OR4C6: variants seen among roughly 807,000 people sequenced by gnomAD.
The protein encoded by OR4C6 is olfactory receptor 4C6.
Under a neutral mutation model 13.9 loss-of-function variants are expected in OR4C6, and 20 were observed. The ratio of observed to expected loss-of-function variants is 1.43; its 90% CI spans 1.01 to 2.08. The LOEUF is 2.08. OR4C6 is among the 30% of genes most tolerant of loss of function. OR4C6 has a pLI of 0.00. For synonymous variants in OR4C6, 193 were observed against 141.5 expected (o/e 1.36, Z -2.58); for missense variants, 555 against 381.2 (o/e 1.46, Z -3.80).
chr11:55,665,822 T>C lies in OR4C6; in HGVS notation c.656T>C (p.Ile219Thr). 1.2e-6 allele frequency: 2 copies of C among 1,613,962 alleles called. No individual in the cohort carries two copies. The highest frequency in any genetic ancestry group is 1.7e-6 in the Non-Finnish European group (2 of 1,180,020). The change falls in exon 2 of 2, where the codon ATC becomes ACC. Residue 219 changes from isoleucine (I) to threonine (T), a missense_variant. Transcript: ENST00000314259. Reference protein sequence around the residue: ...FLILIASYTVILCSLKSYSSK... With the variant: ...FLILIASYTVTLCSLKSYSSK... ...ATCTTAATTGCGTCCTACACGGTCA[T>C]CCTATGCTCCCTGAAGTCTTACAGC...
At position 55,665,989 on chromosome 11, in the gene OR4C6, A is replaced by T. The variant is rs767784407; in HGVS notation, c.823A>T (p.Ile275Phe). ...IDKAMAVSDS[I>F]ITPMLNPLIY... Reference sequence around the variant, plus strand: ...CAAGGCAATGGCTGTGTCAGACTCAATCATCACACCCATGTTAAATCCCTT... The same window carrying T: ...CAAGGCAATGGCTGTGTCAGACTCATTCATCACACCCATGTTAAATCCCTT... Residue 275 changes from isoleucine (I) to phenylalanine (F), a missense_variant, in exon 2 of 2, where the codon ATC becomes TTC. Physicochemically the swap from Ile to Phe is conservative, Grantham distance 21 (BLOSUM62 0). Coordinates refer to ENST00000314259, the MANE Select transcript of OR4C6 (RefSeq NM_001004704.2). The T allele has an allele frequency of 1.2e-5, 19 of 1,613,606 alleles. No individual in the cohort carries two copies. The highest frequency in any genetic ancestry group is 1.6e-5 in the Non-Finnish European group (19 of 1,179,718).
At chr11:55,664,585 A>T (rs1858711675) in intron 1 of OR4C6, among the ~76,000 whole-genome samples, 1 of 152,098 alleles carries the variant, frequency 6.6e-6, no homozygotes, top group Non-Finnish European at 1.5e-5. Context: ...AATAATTGTA[A>T]TATACTTAGC....
chr11:55,663,645 T>C (rs1858696674), intron 1 of OR4C6, among the ~76,000 whole-genome samples: 1 of 138,212 alleles, frequency 7.2e-6, no homozygotes. Flanking sequence ...TGGAATAAAA[T>C]CTACTTGTCA....
rs1858729332 is a variant in OR4C6 at position 55,665,475 on chromosome 11, T to C, written c.309T>C (p.His103=). 1.9e-6 allele frequency: 3 copies of C among 1,613,710 alleles called. No homozygotes were observed. The highest frequency in any genetic ancestry group is 3.3e-5 in the Admixed American group (2 of 59,952). Residue 103 remains histidine, a synonymous_variant, in exon 2 of 2, where the codon CAT becomes CAC. Coordinates refer to ENST00000314259, the MANE Select transcript of OR4C6 (RefSeq NM_001004704.2). ...KGCLTQLFVE[H]FFGGVGIILL... ...GCCTCACCCAGCTGTTTGTGGAGCA[T>C]TTCTTTGGTGGTGTGGGGATCATCC...
At chr11:55,664,028 C>T (rs1858701766) in intron 1 of OR4C6, among the ~76,000 whole-genome samples, 1 of 97,530 alleles carries the variant, frequency 1.0e-5, no homozygotes, top group Non-Finnish European at 2.4e-5. Context: ...CTTCTCTTCT[C>T]ATGTGGTGGG....
Position 55,665,555 on chromosome 11 carries a change from A to G in OR4C6, c.389A>G (p.Tyr130Cys), listed in dbSNP as rs760669321. 31 of 1,613,788 alleles carry G rather than the reference A, an allele frequency of 1.9e-5. No homozygotes were observed. Among genetic ancestry groups the G allele is most frequent in the Non-Finnish European group, 2.4e-5 (28 of 1,180,008 alleles). The change falls in exon 2 of 2, where the codon TAC (tyrosine) becomes TGC (cysteine). Residue 130 changes from tyrosine (Y) to cysteine (C), a missense_variant. Transcript: ENST00000314259. ...RYVAICKPLH[Y>C]TIIMSPRVCC... ...GTGGCCATCTGTAAGCCCCTGCACT[A>G]CACGATCATCATGAGTCCACGGGTG...
rs767784407 is a variant in OR4C6 at position 55,665,989 on chromosome 11, A to G, written c.823A>G (p.Ile275Val). The change falls in exon 2 of 2, where the codon ATC (isoleucine) becomes GTC (valine). Residue 275 changes from isoleucine (I) to valine (V), a missense_variant. By Grantham distance (29) the Ile-to-Val change is conservative. Coordinates refer to ENST00000314259, the MANE Select transcript of OR4C6 (RefSeq NM_001004704.2). ...CAAGGCAATGGCTGTGTCAGACTCA[A>G]TCATCACACCCATGTTAAATCCCTT... ...IDKAMAVSDS[I>V]ITPMLNPLIY... 3 of 1,613,488 alleles carry G rather than the reference A, an allele frequency of 1.9e-6. No homozygotes were observed. Among genetic ancestry groups the G allele is most frequent in the East Asian group, 2.2e-5 (1 of 44,856 alleles).
rs1554970489 is a variant in OR4C6 at position 55,665,919 on chromosome 11, C to A, written c.753C>A (p.Pro251=). 6.2e-7 allele frequency: 1 copy of A among 1,613,974 alleles called. No individual in the cohort carries two copies. Among genetic ancestry groups the A allele is most frequent in the Non-Finnish European group, 8.5e-7 (1 of 1,179,992 alleles). The change falls in exon 2 of 2, where the codon CCC becomes CCA. Residue 251 remains proline, a synonymous_variant. Coordinates refer to ENST00000314259, the MANE Select transcript of OR4C6 (RefSeq NM_001004704.2). Reference sequence around the variant, plus strand: ...CGGTGGTTGTATTGTTCTTTGTCCCCTGTATTTTCTTGTACATGAGGCCTG... The same window carrying A: ...CGGTGGTTGTATTGTTCTTTGTCCCATGTATTTTCTTGTACATGAGGCCTG... ...HLTVVVLFFV[P]CIFLYMRPVV...
In OR4C6 at chr11:55,665,092, T is replaced by A. The variant is rs2134330659; in HGVS notation, c.-42-33T>A. 3 of 928,102 alleles carry A rather than the reference T, an allele frequency of 3.2e-6. No individual in the cohort carries two copies. The East Asian group carries it at 7.2e-5, about 22-fold the overall frequency. The allele number at this position is 928,102 out of a possible 1,614,324, so 57.5% of individuals were successfully genotyped here. On this transcript the variant is annotated intron_variant, in intron 1 of 1. Coordinates refer to ENST00000314259, the MANE Select transcript of OR4C6 (RefSeq NM_001004704.2). ...CTGGAAATACAAGAAGCCAAATTAG[T>A]CACTAATTATAAATCATATCTTGCT...
In OR4C6 at chr11:55,665,608, G is replaced by A. The variant is rs1858733412; in HGVS notation, c.442G>A (p.Val148Met). Residue 148 changes from valine to methionine, a missense_variant, in exon 2 of 2, where the codon GTG (valine) becomes ATG (methionine). By Grantham distance (21) the Val-to-Met change is conservative (BLOSUM62 1). Coordinates refer to ENST00000314259, the MANE Select transcript of OR4C6 (RefSeq NM_001004704.2). ...CTGCCTAATGGTAGGAGGGGCTTGG[G>A]TGGGGGGATTTATGCACGCAATGAT... is the stretch of plus-strand genomic sequence containing the variant. ...VCCLMVGGAW[V>M]GGFMHAMIQL... 5 of 1,613,902 alleles carry A rather than the reference G, an allele frequency of 3.1e-6. No homozygotes were observed. Among genetic ancestry groups the A allele is most frequent in the Non-Finnish European group, 4.2e-6 (5 of 1,179,980 alleles).
chr11:55,664,856 T>A (rs1858715877), intron 1 of OR4C6, among the ~76,000 whole-genome samples: 1 of 152,052 alleles, frequency 6.6e-6, no homozygotes, highest in African/African-American at 2.4e-5. Flanking sequence ...AAAAGTTATC[T>A]ATTAATAATA....
intron 1 of OR4C6, among the ~76,000 whole-genome samples, chr11:55,663,824 A>G (rs1452986502): frequency 7.3e-6 from 1 of 137,864 alleles, no homozygotes; most frequent in Non-Finnish European, 1.6e-5. Context: ...GGAGTGGGCT[A>G]CTGAAAAGCA....
rs1858720947 is a variant in OR4C6, at chr11:55,665,191, G to A, written c.25G>A (p.Glu9Lys). The A allele has an allele frequency of 1.9e-6, 3 of 1,611,316 alleles. No individual in the cohort carries two copies. The Admixed American group carries it at 5.0e-5, about 27-fold the overall frequency. Residue 9 changes from glutamate (E) to lysine (K), a missense_variant, in exon 2 of 2, where the codon GAA (glutamate) becomes AAA (lysine). Glu to Lys is a moderately conservative substitution (Grantham distance 56). Transcript: ENST00000314259. MENQNNVT[E>K]FILLGLTENL... ...AATGGAAAATCAAAACAATGTGACT[G>A]AATTCATTCTTCTGGGTCTCACAGA...
Position 55,665,186 on chromosome 11 carries a change from T to C in OR4C6, c.20T>C (p.Val7Ala), listed in dbSNP as rs1417508824. 3.7e-6 allele frequency: 6 copies of C among 1,610,080 alleles called. No individual in the cohort carries two copies. The highest frequency in any genetic ancestry group is 4.2e-6 in the Non-Finnish European group (5 of 1,177,690). ...TGAGAAATGGAAAATCAAAACAATGTGACTGAATTCATTCTTCTGGGTCTC... is the reference window on the plus strand; with the variant it reads ...TGAGAAATGGAAAATCAAAACAATGCGACTGAATTCATTCTTCTGGGTCTC... MENQNN[V>A]TEFILLGLTE... The change falls in exon 2 of 2, where the codon GTG becomes GCG. Residue 7 changes from valine to alanine, a missense_variant. Val to Ala is a moderately conservative substitution (Grantham distance 64). Coordinates refer to ENST00000314259, the MANE Select transcript of OR4C6 (RefSeq NM_001004704.2).
Position 55,665,124 on chromosome 11 carries a change from G to A in OR4C6, c.-42-1G>A, listed in dbSNP as rs1858719511. On this transcript the variant is annotated splice_acceptor_variant, in intron 1 of 1. Transcript: ENST00000314259. LOFTEE classifies it low-confidence loss of function (5UTR_SPLICE). ...TTATAAATCATATCTTGCTTATTTA[G>A]GATTCTCAACTCTCAGCTGGAACTC... The A allele has an allele frequency of 8.2e-7, 1 of 1,219,252 alleles. No homozygotes were observed. The highest frequency in any genetic ancestry group is 1.2e-6 in the Non-Finnish European group (1 of 852,634). The allele number at this position is 1,219,252 out of a possible 1,614,324, so 75.5% of individuals were successfully genotyped here.
rs1259625066 is a variant in OR4C6 at position 55,665,890 on chromosome 11, C to A, written c.724C>A (p.Leu242Ile). 1.9e-6 allele frequency: 3 copies of A among 1,613,970 alleles called. 1 individual carries two copies. In the African/African-American group the frequency reaches 4.0e-5, roughly 22 times the overall value. ...AGCCCTCTCTACCTGCAGCTCCCAC[C>A]TCACGGTGGTTGTATTGTTCTTTGT... The part of the protein sequence containing the change: ...HKALSTCSSH[L>I]TVVVLFFVPC... Residue 242 changes from leucine to isoleucine, a missense_variant, in exon 2 of 2, where the codon CTC (leucine) becomes ATC (isoleucine). Coordinates refer to ENST00000314259, the MANE Select transcript of OR4C6 (RefSeq NM_001004704.2).
chr11:55,665,703 G>A lies in OR4C6; in HGVS notation c.537G>A (p.Leu179=). The A allele has an allele frequency of 6.2e-7, 1 of 1,613,912 alleles. No individual in the cohort carries two copies. The highest frequency in any genetic ancestry group is 8.5e-7 in the Non-Finnish European group (1 of 1,179,996). Residue 179 remains leucine (L), a synonymous_variant, in exon 2 of 2, where the codon TTG becomes TTA. Coordinates refer to ENST00000314259, the MANE Select transcript of OR4C6 (RefSeq NM_001004704.2). ...PNIIDHFICD[L]FQLLTLACTD... ...TCATAGATCACTTTATATGTGATTT[G>A]TTTCAGTTGTTGACACTTGCCTGCA...
At chr11:55,664,213 C>T (rs1858705842) in intron 1 of OR4C6, among the ~76,000 whole-genome samples, 2 of 151,972 alleles carry the variant, frequency 1.3e-5, no homozygotes, top group African/African-American at 2.4e-5. Context: ...AATAATATGG[C>T]TAACATATCT....
In OR4C6 at chr11:55,665,659, C is replaced by T. The variant is rs558855783; in HGVS notation, c.493C>T (p.Pro165Ser). The T allele has an allele frequency of 1.2e-5, 19 of 1,613,800 alleles. No homozygotes were observed. In the South Asian group the frequency reaches 1.6e-4, roughly 14 times the overall value. ...MIQLLFMYQIPFCGPNIIDHF... is the reference protein window; with the variant it reads ...MIQLLFMYQISFCGPNIIDHF... ...ACAACTTCTCTTCATGTATCAAATA[C>T]CCTTCTGTGGTCCTAATATCATAGA... Residue 165 changes from proline to serine, a missense_variant, in exon 2 of 2, where the codon CCC (proline) becomes TCC (serine). Coordinates refer to ENST00000314259, the MANE Select transcript of OR4C6 (RefSeq NM_001004704.2).
Sources: gnomAD v4.1 joint callset for allele counts (sites outside exome capture counted in the v4.1 genomes callset) on GRCh38, gnomAD v4.1.1 for gene constraint, MANE v1.5 for transcripts, NCBI Gene and HGNC (gene_info 2026-07-23, HGNC 2026-07-21) for gene names.